PACRG: variants seen among roughly 807,000 people sequenced by gnomAD.
PACRG encodes the protein parkin coregulated gene protein.
PACRG carries 29 observed loss-of-function variants against 29.7 expected under a neutral mutation model. The observed-to-expected ratio is 0.98, with a 90% CI of 0.73 to 1.33. The LOEUF (loss-of-function observed/expected upper bound fraction) is 1.33. Among genes scored for constraint, PACRG ranks in the 40% most tolerant of loss-of-function variants. The probability of loss-of-function intolerance (pLI) is 0.00; values close to 1 mark genes in which losing one functional copy is unlikely to be tolerated. For missense variants in PACRG, 279 were observed against 316.2 expected (o/e 0.88, Z 0.89); for synonymous variants, 116 against 118.7 (o/e 0.98, Z 0.15).
chr6:162,781,563 A>G (rs1011218615), intron 1 of PACRG, among the ~76,000 whole-genome samples: 8 of 151,886 alleles, frequency 5.3e-5, no homozygotes, highest in South Asian at 2.1e-4. Context: ...AAAAATTACA[A>G]TGTAATAAGG....
intron 2 of PACRG, among the ~76,000 whole-genome samples, chr6:162,891,844 C>A (rs1794785214): frequency 6.6e-6 from 1 of 152,140 alleles, no homozygotes; most frequent in Non-Finnish European, 1.5e-5. Context: ...TGGCACTGGC[C>A]ACATAACCAC....
intron 3 of PACRG, among the ~76,000 whole-genome samples, chr6:163,071,269 C>A (rs1330267867): frequency 1.4e-5 from 2 of 143,314 alleles, no homozygotes; most frequent in Non-Finnish European, 3.1e-5. Context: ...TGTGGATCAT[C>A]TCAAGGATAG....
At chr6:163,043,813 T>G (rs1320146855) in intron 2 of PACRG, among the ~76,000 whole-genome samples, 3 of 152,186 alleles carry the variant, frequency 2.0e-5, no homozygotes, top group African/African-American at 7.2e-5. Flanking sequence ...ATCAGAGAGC[T>G]TGTGCGGAGG....
In PACRG at chr6:162,801,703, C is replaced by T. The variant is rs552870760; in HGVS notation, c.157-12444C>T. 3.0e-3 allele frequency among the ~76,000 whole-genome samples: 458 copies of T among 152,070 alleles called. 7 individuals are homozygous for T. Among genetic ancestry groups the T allele is most frequent in the African/African-American group, 0.01 (434 of 41,504 alleles). On this transcript the variant is annotated intron_variant, in intron 1 of 4. Transcript: ENST00000366888. ...TCATTTGGACAAATGAATTTCAAAACAGGAAATATGAATTTTATTGCAAGA... is the reference window on the plus strand; with the variant it reads ...TCATTTGGACAAATGAATTTCAAAATAGGAAATATGAATTTTATTGCAAGA...
intron 2 of PACRG, among the ~76,000 whole-genome samples, chr6:162,828,957 A>G (rs1391159472): frequency 6.6e-6 from 1 of 152,212 alleles, no homozygotes; most frequent in Non-Finnish European, 1.5e-5. Context: ...CTAAAACCCT[A>G]ATTGAGGAAT....
At position 162,941,017 on chromosome 6, in the gene PACRG, CGTGTGTGTTTGTATAT is replaced by C. The variant is rs66498310; in HGVS notation, c.292-121120_292-121105del. On this transcript the variant is annotated intron_variant, in intron 2 of 4. Coordinates refer to ENST00000366888, the MANE Select transcript of PACRG (RefSeq NM_001080379.2). ...TGGCATGTGTGTTTGTGTGTGTGCGCGTGTGTGTTTGTATATGTGTGTGTTTGTGCATGTGTGTGTG... is the reference window on the plus strand; with the variant it reads ...TGGCATGTGTGTTTGTGTGTGTGCGCGTGTGTGTTTGTGCATGTGTGTGTG... Among the ~76,000 whole-genome samples, 591 of 150,446 alleles carry C rather than the reference CGTGTGTGTTTGTATAT, an allele frequency of 3.9e-3. 6 individuals carry two copies. The highest frequency in any genetic ancestry group is 0.032 in the East Asian group (164 of 5,122).
chr6:163,104,771 CA>C (rs1815288443), intron 4 of PACRG, among the ~76,000 whole-genome samples: 1 of 152,136 alleles, frequency 6.6e-6, no homozygotes, highest in South Asian at 2.1e-4. Context: ...CTTTTGCTAA[CA>C]AATCACATAG....
chr6:162,730,370 G>T (rs1779667808), intron 1 of PACRG, among the ~76,000 whole-genome samples: 1 of 152,068 alleles, frequency 6.6e-6, no homozygotes, highest in South Asian at 2.1e-4. Flanking sequence ...TTCAGGACGT[G>T]TATGCCAATT....
At chr6:162,873,332 T>C (rs187357670) in intron 2 of PACRG, among the ~76,000 whole-genome samples, 10 of 152,316 alleles carry the variant, frequency 6.6e-5, no homozygotes, top group Admixed American at 5.2e-4. Context: ...GACTCATTAA[T>C]GGTAGGTCAC....
chr6:163,301,745 G>A (rs1465223483), intron 4 of PACRG, among the ~76,000 whole-genome samples: 1 of 152,228 alleles, frequency 6.6e-6, no homozygotes, highest in Non-Finnish European at 1.5e-5. Flanking sequence ...GGGAGCTACA[G>A]TATAGACAAA....
intron 4 of PACRG, among the ~76,000 whole-genome samples, chr6:163,137,705 G>T (rs1252550705): frequency 1.4e-5 from 2 of 146,912 alleles, no homozygotes; most frequent in Non-Finnish European, 3.0e-5. Context: ...GGTACCAGGG[G>T]CTGCATCCGT....
At chr6:163,040,558 G>T (rs932219909) in intron 2 of PACRG, among the ~76,000 whole-genome samples, 1 of 152,252 alleles carries the variant, frequency 6.6e-6, no homozygotes, top group Non-Finnish European at 1.5e-5. Context: ...GAAAGCAGAT[G>T]CAGGAAGTGT....
In PACRG at chr6:163,100,725, T is replaced by C. The variant is rs1334186455; in HGVS notation, c.613+11317T>C. On this transcript the variant is annotated intron_variant, in intron 4 of 4. Coordinates refer to ENST00000366888, the MANE Select transcript of PACRG (RefSeq NM_001080379.2). The stretch of plus-strand genomic sequence containing the variant: ...AGTATGAAATCAGCTTTCCATTTTA[T>C]TGCCTTTCTTAAAAATCTGTAATTT... 4 of 909,382 alleles carry C rather than the reference T, an allele frequency of 4.4e-6. No individual in the cohort carries two copies. The East Asian group carries it at 4.7e-4, about 107-fold the overall frequency. 56.3% of individuals were successfully genotyped at this position (909,382 alleles called of 1,614,324 possible). A position where few individuals can be genotyped will look rare whatever the true frequency, so the allele number is the denominator to read the frequency against.
At chr6:162,977,268 A>T (rs919131546) in intron 2 of PACRG, among the ~76,000 whole-genome samples, 1 of 152,152 alleles carries the variant, frequency 6.6e-6, no homozygotes, top group Non-Finnish European at 1.5e-5. Flanking sequence ...GCGTAAATAC[A>T]AATGGAAAAG....
intron 2 of PACRG, among the ~76,000 whole-genome samples, chr6:162,878,604 C>A (rs1051468266): frequency 6.6e-6 from 1 of 152,130 alleles, no homozygotes; most frequent in Non-Finnish European, 1.5e-5. Flanking sequence ...ATTCCCCCAA[C>A]AAAAGGAGAC....
chr6:163,105,014 A>C (rs936202957), intron 4 of PACRG, among the ~76,000 whole-genome samples: 5 of 152,172 alleles, frequency 3.3e-5, no homozygotes, highest in Non-Finnish European at 7.4e-5. Context: ...TACATTATGG[A>C]GAAGTACTTC....
intron 4 of PACRG, among the ~76,000 whole-genome samples, chr6:163,210,901 G>C (rs10945882): frequency 6.6e-6 from 1 of 152,062 alleles, no homozygotes; most frequent in Non-Finnish European, 1.5e-5. Context: ...CTGGTGAACT[G>C]TCTGGTTGGT....
chr6:163,145,042 A>G (rs1212555520), intron 4 of PACRG, among the ~76,000 whole-genome samples: 2 of 152,088 alleles, frequency 1.3e-5, no homozygotes, highest in African/African-American at 4.8e-5. Flanking sequence ...ACTGCTATTG[A>G]TGCTACATCT....
intron 4 of PACRG, among the ~76,000 whole-genome samples, chr6:163,121,518 G>T (rs2128324790): frequency 6.6e-6 from 1 of 152,202 alleles, no homozygotes; most frequent in African/African-American, 2.4e-5. Context: ...AGCCGATCCA[G>T]GACTGCTGCG....
Sources: allele counts gnomAD v4.1 joint callset (sites outside exome capture counted in the v4.1 genomes callset), GRCh38; gene constraint gnomAD v4.1.1; transcripts MANE v1.5; gene names NCBI Gene and HGNC (gene_info 2026-07-23, HGNC 2026-07-21).